AKT3: variants seen among roughly 807,000 people sequenced by gnomAD.
The protein encoded by AKT3 is RAC-gamma serine/threonine-protein kinase.
A neutral mutation model predicts 65.3 loss-of-function variants in AKT3; 15 were observed. That is an observed-to-expected ratio of 0.23 (90% CI 0.15 to 0.35). The LOEUF (loss-of-function observed/expected upper bound fraction) is 0.35. AKT3 is among the 10% of genes least tolerant of loss of function. The pLI is 1.00. For synonymous variants in AKT3, 206 were observed against 183.8 expected, an observed-to-expected ratio of 1.12 and a Z score of -0.98; for missense variants, 243 against 576.5, an observed-to-expected ratio of 0.42 and a Z score of 5.92.
chr1:243,705,583 C>G (rs1376106372), intron 2 of AKT3, among the ~76,000 whole-genome samples: 1 of 152,058 alleles, frequency 6.6e-6, no homozygotes, highest in African/African-American at 2.4e-5. Context: ...TTACAGTACC[C>G]AGTTTTACTC....
intron 3 of AKT3, chr1:243,687,635 T>C (rs555579919): frequency 6.6e-6 from 1 of 152,272 alleles, no homozygotes; most frequent in Non-Finnish European, 1.5e-5. Context: ...CTTTCCACAT[T>C]TGTTGTACAA....
rs577091434 is a variant in AKT3 at position 243,701,158 on chromosome 1, C to A, written c.47-5442G>T. Among the ~76,000 whole-genome samples, 10 of 152,296 alleles carry A rather than the reference C, an allele frequency of 6.6e-5. No homozygotes were observed. The East Asian group carries it at 1.5e-3, about 23-fold the overall frequency. On this transcript the variant is annotated intron_variant, in intron 2 of 13. Transcript: ENST00000673466. ...CGCCAAGGCAGAAGCTAGAAGTGTA[C>A]ATCTCTGGACTAAACAGTGATTGAT...
At chr1:243,516,077 T>C (rs947634899) in intron 12 of AKT3, among the ~76,000 whole-genome samples, 1 of 152,228 alleles carries the variant, frequency 6.6e-6, no homozygotes, top group Non-Finnish European at 1.5e-5. Flanking sequence ...CTGGAATAAT[T>C]TGTATAGAAC....
intron 8 of AKT3, among the ~76,000 whole-genome samples, chr1:243,592,394 G>A (rs1012083537): frequency 6.6e-6 from 1 of 151,598 alleles, no homozygotes; most frequent in African/African-American, 2.4e-5. Flanking sequence ...AAAGAACTGT[G>A]AAGGAAACCA....
chr1:243,760,282 CTTTTTTTTT>C (rs58733457), intron 2 of AKT3, among the ~76,000 whole-genome samples: 4 of 80,914 alleles, frequency 4.9e-5, no homozygotes, highest in African/African-American at 1.6e-4. Context: ...CTATATCTGG[CTTTTTTTTT>C]TTTTTTTTTT....
chr1:243,790,657 G>C (rs530213901), intron 2 of AKT3, among the ~76,000 whole-genome samples: 1 of 152,304 alleles, frequency 6.6e-6, no homozygotes, highest in Non-Finnish European at 1.5e-5. Context: ...AAGAGGACTA[G>C]CTTTTTGCCT....
chr1:243,623,784 G>A (rs1353359962), intron 6 of AKT3, among the ~76,000 whole-genome samples: 1 of 152,260 alleles, frequency 6.6e-6, no homozygotes, highest in East Asian at 1.9e-4. Context: ...CCTGTCTTGG[G>A]AATTTTCAAC....
chr1:243,576,766 T>A (rs1044568933), intron 8 of AKT3, among the ~76,000 whole-genome samples: 1 of 152,142 alleles, frequency 6.6e-6, no homozygotes, highest in Admixed American at 6.5e-5. Context: ...CTAATGAATA[T>A]GAAGAATCAA....
intron 6 of AKT3, among the ~76,000 whole-genome samples, chr1:243,617,161 G>A (rs541451427): frequency 2.1e-4 from 2 of 9,630 alleles, no homozygotes; most frequent in African/African-American, 4.9e-4. Flanking sequence ...CCCACCCACC[G>A]ACTTCTTCAA....
chr1:243,649,627 T>C (rs1681149050), intron 4 of AKT3, among the ~76,000 whole-genome samples: 2 of 152,044 alleles, frequency 1.3e-5, no homozygotes, highest in South Asian at 2.1e-4. Context: ...TGTGTTCTCA[T>C]TGTTCAACTC....
At chr1:243,507,765 A>AT (rs1400461345) in intron 13 of AKT3, among the ~76,000 whole-genome samples, 1 of 152,218 alleles carries the variant, frequency 6.6e-6, no homozygotes, top group Non-Finnish European at 1.5e-5. Context: ...TTCTTAGAAC[A>AT]TTTAACAAAT....
chr1:243,639,450 C>T (rs1680213481), intron 5 of AKT3, among the ~76,000 whole-genome samples: 1 of 152,038 alleles, frequency 6.6e-6, no homozygotes, highest in Non-Finnish European at 1.5e-5. Context: ...TCACAAAGAC[C>T]CTGCTGGTAA....
chr1:243,631,280 T>C (rs547861430), intron 6 of AKT3, among the ~76,000 whole-genome samples: 2 of 152,294 alleles, frequency 1.3e-5, no homozygotes, highest in African/African-American at 4.8e-5. Context: ...GTGATCAGGG[T>C]GGCAGTTGCC....
chr1:243,548,503 A>G (rs529490574), intron 11 of AKT3, among the ~76,000 whole-genome samples: 1 of 152,354 alleles, frequency 6.6e-6, no homozygotes, highest in Non-Finnish European at 1.5e-5. Flanking sequence ...GCTAGGAGAA[A>G]TTCTTTAACA....
intron 13 of AKT3, among the ~76,000 whole-genome samples, chr1:243,508,460 T>G (rs1465475529): frequency 6.6e-6 from 1 of 152,168 alleles, no homozygotes; most frequent in Non-Finnish European, 1.5e-5. Flanking sequence ...TGCTGAGCTC[T>G]TCCGTCTGAC....
intron 2 of AKT3, among the ~76,000 whole-genome samples, chr1:243,766,315 T>C (rs1689819297): frequency 6.6e-6 from 1 of 152,086 alleles, no homozygotes; most frequent in Non-Finnish European, 1.5e-5. Flanking sequence ...ACAGAGGGTA[T>C]CCCAGGGGGA....
chr1:243,702,968 AAAAAT>A (rs1433295070), intron 2 of AKT3: 2 of 152,230 alleles, frequency 1.3e-5, no homozygotes, highest in Non-Finnish European at 2.9e-5. Context: ...AGTTTTCAGT[AAAAAT>A]AAATGTACAT....
intron 2 of AKT3, among the ~76,000 whole-genome samples, chr1:243,812,887 GAA>G (rs1453307244): frequency 6.6e-6 from 1 of 152,026 alleles, no homozygotes; most frequent in Non-Finnish European, 1.5e-5. Context: ...GATGAAGCTG[GAA>G]ACCATCATTC....
At chr1:243,517,494 C>G (rs1376131304) in intron 12 of AKT3, among the ~76,000 whole-genome samples, 1 of 152,132 alleles carries the variant, frequency 6.6e-6, no homozygotes, top group African/African-American at 2.4e-5. Flanking sequence ...TTATTAGATG[C>G]ATAACTAAGA....
Sources: gnomAD v4.1 joint callset for allele counts (sites outside exome capture counted in the v4.1 genomes callset) on GRCh38, gnomAD v4.1.1 for gene constraint, MANE v1.5 for transcripts, NCBI Gene and HGNC (gene_info 2026-07-23, HGNC 2026-07-21) for gene names.